Variants in PLCG2 observed in about 807,000 individuals in gnomAD.
PLCG2 encodes 1-phosphatidylinositol 4,5-bisphosphate phosphodiesterase gamma-2.
In PLCG2, 69 loss-of-function variants were observed where a neutral mutation model predicts 175.6. That is an observed-to-expected ratio of 0.39 (90% CI 0.32 to 0.48). The LOEUF is 0.48. Among genes scored for constraint, PLCG2 ranks in the 20% least tolerant of loss-of-function variants. PLCG2 has a pLI of 0.91. For synonymous variants in PLCG2, 827 were observed against 624.0 expected (o/e 1.33, Z -4.85); for missense variants, 1,798 against 1,650.9 (o/e 1.09, Z -1.54).
rs372968288 is a variant in PLCG2 at position 81,880,901 on chromosome 16, C to G, written c.649-9C>G. On this transcript the variant is annotated splice_polypyrimidine_tract_variant and intron_variant, in intron 7 of 32. Transcript: ENST00000564138. ...AGGTTCTTTTTTTTGTGTGTGCTTT[C>G]CATTTCAGATTCTCGATGAATTCAA... is the stretch of plus-strand genomic sequence containing the variant. 5 of 1,613,558 alleles carry G rather than the reference C, an allele frequency of 3.1e-6. No homozygotes were observed. The African/African-American group carries it at 5.3e-5, about 17-fold the overall frequency.
Position 81,946,891 on chromosome 16 carries a change from TTTGCTTAGTGAAGCAGACCC to T in PLCG2, c.3570+631_3570+650del, listed in dbSNP as rs1429670181. The stretch of plus-strand genomic sequence containing the variant: ...CTTAAACCAGTGAGCATGAAGACCC[TTTGCTTAGTGAAGCAGACCC>T]TTTGCTTAGTGAAGCTTATCCCTCC... On this transcript the variant is annotated intron_variant, in intron 31 of 32. Coordinates refer to ENST00000564138, the MANE Select transcript of PLCG2 (RefSeq NM_002661.5). Among the ~76,000 whole-genome samples the T allele has an allele frequency of 5.2e-4, 9 of 17,256 alleles. No individual in the cohort carries two copies. The East Asian group carries it at 0.039, about 74-fold the overall frequency. 11.3% of individuals were successfully genotyped at this position (17,256 alleles called of 152,430 possible).
intron 29 of PLCG2, among the ~76,000 whole-genome samples, 170 bp from the exon 30 acceptor site, chr16:81,939,722 G>A (rs937299728): frequency 6.6e-6 from 1 of 152,244 alleles, no homozygotes. Context: ...GATTGCTCAA[G>A]GTGGGGTGGG....
chr16:81,773,796 C>T (rs552814525), intron 2 of PLCG2, among the ~76,000 whole-genome samples: 24 of 152,204 alleles, frequency 1.6e-4, no homozygotes, highest in African/African-American at 4.1e-4. Context: ...AAGCTTACAG[C>T]GGCTGCAAAT....
Position 81,936,342 on chromosome 16 carries a change from G to A in PLCG2, c.3016G>A (p.Gly1006Ser), listed in dbSNP as rs1910712437. The A allele has an allele frequency of 1.9e-6, 3 of 1,614,014 alleles. No individual in the cohort carries two copies. Among genetic ancestry groups the A allele is most frequent in the East Asian group, 2.2e-5 (1 of 44,900 alleles). Reference protein sequence around the residue: ...NYDPFRLWLCGSQMVALNFQT... With the variant: ...NYDPFRLWLCSSQMVALNFQT... Reference sequence around the variant, plus strand: ...CGACCCCTTCCGCCTCTGGCTGTGCGGTTCTCAGATGGTGGCACTCAATTT... The same window carrying A: ...CGACCCCTTCCGCCTCTGGCTGTGCAGTTCTCAGATGGTGGCACTCAATTT... Residue 1006 changes from glycine to serine, a missense_variant, in exon 27 of 33, where the codon GGT becomes AGT. Transcript: ENST00000564138.
chr16:81,758,406 C>T (rs4262940), intron 2 of PLCG2, among the ~76,000 whole-genome samples: 140,718 of 152,266 alleles, frequency 0.92, 66,034 homozygotes, highest in East Asian at 1. Flanking sequence ...CATCAGTTGA[C>T]GGACATTTGG....
At chr16:81,839,180 C>A (rs369329965) in intron 2 of PLCG2, among the ~76,000 whole-genome samples, 1 of 152,110 alleles carries the variant, frequency 6.6e-6, no homozygotes. Context: ...TCTTAACATA[C>A]ATCAGTTCAG....
chr16:81,811,944 C>T lies in PLCG2; in HGVS notation c.193+25762C>T, dbSNP rs148323530. ...GTGCTAGATCCTCGAGGAATTGCAA[C>T]GCTGTCTTCCACAATGGTTGAACTG... On this transcript the variant is annotated intron_variant, in intron 2 of 32. Coordinates refer to ENST00000564138, the MANE Select transcript of PLCG2 (RefSeq NM_002661.5). Among the ~76,000 whole-genome samples the T allele has an allele frequency of 3.9e-3, 594 of 152,044 alleles. 7 individuals carry two copies. The highest frequency in any genetic ancestry group is 0.014 in the African/African-American group (566 of 41,478).
intron 20 of PLCG2, among the ~76,000 whole-genome samples, chr16:81,920,492 C>A (rs1450474474): frequency 6.6e-6 from 1 of 152,162 alleles, no homozygotes; most frequent in Admixed American, 6.5e-5. Flanking sequence ...AAGGGGTGGA[C>A]ACTACCTTAG....
intron 5 of PLCG2, among the ~76,000 whole-genome samples, chr16:81,861,953 G>A (rs1229929854): frequency 6.6e-6 from 1 of 152,186 alleles, no homozygotes; most frequent in South Asian, 2.1e-4. Context: ...TCATCCCTGT[G>A]TGCTCACCGG....
At chr16:81,805,981 G>T (rs910260747) in intron 2 of PLCG2, among the ~76,000 whole-genome samples, 2 of 151,518 alleles carry the variant, frequency 1.3e-5, no homozygotes, top group East Asian at 1.9e-4. Context: ...CATTCATAAA[G>T]GTAAAAAGAG....
chr16:81,806,754 C>G (rs1567474205), intron 2 of PLCG2, among the ~76,000 whole-genome samples: 1 of 151,954 alleles, frequency 6.6e-6, no homozygotes, highest in Non-Finnish European at 1.5e-5. Flanking sequence ...GGCATTTGAG[C>G]AAAGGCTTGG....
chr16:81,803,296 A>G (rs929609577), intron 2 of PLCG2, among the ~76,000 whole-genome samples: 7 of 151,290 alleles, frequency 4.6e-5, no homozygotes, highest in Non-Finnish European at 7.4e-5. Flanking sequence ...TTTTTTTTGT[A>G]TTTTTAGTAG....
At chr16:81,880,505 A>G (rs1465783877) in intron 7 of PLCG2, among the ~76,000 whole-genome samples, 1 of 152,236 alleles carries the variant, frequency 6.6e-6, no homozygotes, top group African/African-American at 2.4e-5. Flanking sequence ...TGTGGAATAC[A>G]ATGGTTTTTC....
intron 2 of PLCG2, among the ~76,000 whole-genome samples, chr16:81,794,639 C>T (rs947590331): frequency 1.3e-5 from 2 of 152,194 alleles, no homozygotes; most frequent in African/African-American, 4.8e-5. Flanking sequence ...TTGAAGAACA[C>T]ACCCCATAAG....
At chr16:81,909,352 G>A (rs970551262) in intron 17 of PLCG2, among the ~76,000 whole-genome samples, 5 of 152,204 alleles carry the variant, frequency 3.3e-5, no homozygotes, top group African/African-American at 4.8e-5. Context: ...ATGCCCTGAC[G>A]TGGGGAATGG....
chr16:81,780,415 G>C (rs909782758), intron 1 of PLCG2, among the ~76,000 whole-genome samples: 1 of 152,308 alleles, frequency 6.6e-6, no homozygotes, highest in Non-Finnish European at 1.5e-5. Context: ...TCTGGTTCAA[G>C]GGCATTCTCT....
intron 1 of PLCG2, among the ~76,000 whole-genome samples, chr16:81,745,930 C>G (rs1038304882): frequency 2.6e-5 from 4 of 152,350 alleles, no homozygotes; most frequent in Admixed American, 6.5e-5. Flanking sequence ...ACCTGACTCT[C>G]TGTAGGGGCG....
intron 2 of PLCG2, among the ~76,000 whole-genome samples, chr16:81,844,285 G>A (rs1367010588): frequency 6.6e-5 from 10 of 150,644 alleles, no homozygotes; most frequent in South Asian, 2.1e-4. Context: ...GAGCCACCGC[G>A]CCCGGGCACC....
chr16:81,746,087 G>A (rs1346957270), intron 1 of PLCG2, among the ~76,000 whole-genome samples: 1 of 152,162 alleles, frequency 6.6e-6, no homozygotes, highest in African/African-American at 2.4e-5. Context: ...AAACTCAATA[G>A]GCAAGAGGAT....
Sources: allele counts gnomAD v4.1 joint callset (sites outside exome capture counted in the v4.1 genomes callset), GRCh38; gene constraint gnomAD v4.1.1; transcripts MANE v1.5; gene names NCBI Gene and HGNC (gene_info 2026-07-23, HGNC 2026-07-21).